Variants in PRKG1 observed in about 807,000 individuals in gnomAD.
PRKG1 encodes the protein cGMP-dependent protein kinase 1.
A neutral mutation model predicts 88.1 loss-of-function variants in PRKG1; 35 were observed. That is an observed-to-expected ratio of 0.40 (90% confidence interval 0.30 to 0.53). The LOEUF (loss-of-function observed/expected upper bound fraction) is 0.53. PRKG1 is among the 20% of genes least tolerant of loss of function. PRKG1 has a pLI of 0.59. For synonymous variants in PRKG1, 303 were observed against 292.5 expected (o/e 1.04, Z -0.37); for missense variants, 540 against 839.8 (o/e 0.64, Z 4.41).
At chr10:51,761,697 T>C (rs1838025930) in intron 3 of PRKG1, among the ~76,000 whole-genome samples, 1 of 152,230 alleles carries the variant, frequency 6.6e-6, no homozygotes, top group East Asian at 1.9e-4. Flanking sequence ...TCGGAATTTA[T>C]TTTTTTCTTA....
chr10:51,669,519 A>G (rs924295008), intron 3 of PRKG1, among the ~76,000 whole-genome samples: 1 of 152,242 alleles, frequency 6.6e-6, no homozygotes, highest in African/African-American at 2.4e-5. Flanking sequence ...TATGGACTGA[A>G]TAACACATTT....
intron 1 of PRKG1, among the ~76,000 whole-genome samples, chr10:51,064,425 A>T (rs374965988): frequency 6.2e-4 from 95 of 152,260 alleles, no homozygotes; most frequent in African/African-American, 2.2e-3. Flanking sequence ...CTGTTTAGAC[A>T]CTGAAGCAGC....
intron 2 of PRKG1, among the ~76,000 whole-genome samples, chr10:51,467,201 C>T (rs1329485152): frequency 1.3e-5 from 2 of 151,892 alleles, no homozygotes; most frequent in Non-Finnish European, 2.9e-5. Context: ...GTTAACATTG[C>T]AGAGCTAGGA....
At chr10:51,154,037 T>C (rs1846144004) in intron 2 of PRKG1, among the ~76,000 whole-genome samples, 1 of 151,950 alleles carries the variant, frequency 6.6e-6, no homozygotes, top group Non-Finnish European at 1.5e-5. Flanking sequence ...TGGAAGAAAG[T>C]GAGTGCAGAA....
At chr10:52,252,767 A>T (rs913879641) in intron 10 of PRKG1, 3 of 151,764 alleles carry the variant, frequency 2.0e-5, no homozygotes, top group Non-Finnish European at 4.4e-5. Flanking sequence ...CTGGTTGGAG[A>T]TACTGTAGTA....
chr10:51,396,612 A>T (rs1010718903), intron 2 of PRKG1, among the ~76,000 whole-genome samples: 3 of 152,242 alleles, frequency 2.0e-5, no homozygotes, highest in Admixed American at 6.5e-5. Context: ...AGTTGAATCC[A>T]GGCTTGACCA....
intron 4 of PRKG1, among the ~76,000 whole-genome samples, chr10:51,872,623 T>C (rs1841187817): frequency 6.6e-6 from 1 of 152,188 alleles, no homozygotes; most frequent in Non-Finnish European, 1.5e-5. Flanking sequence ...TATAGTTTTT[T>C]CCTCCATATT....
intron 3 of PRKG1, among the ~76,000 whole-genome samples, chr10:51,538,305 C>T (rs1371569204): frequency 5.3e-5 from 5 of 94,632 alleles, no homozygotes; most frequent in African/African-American, 1.4e-4. Context: ...TAATGCAATT[C>T]GCTGAAAATT....
At chr10:52,071,137 T>C (rs1846486249) in intron 7 of PRKG1, among the ~76,000 whole-genome samples, 1 of 151,862 alleles carries the variant, frequency 6.6e-6, no homozygotes, top group African/African-American at 2.4e-5. Flanking sequence ...TTCTTTTCCT[T>C]TATTTATTCA....
At chr10:51,983,072 A>G (rs1844055045) in intron 5 of PRKG1, among the ~76,000 whole-genome samples, 1 of 152,028 alleles carries the variant, frequency 6.6e-6, no homozygotes, top group African/African-American at 2.4e-5. Context: ...TGCTGCGGGC[A>G]GGGTTGGTAA....
chr10:51,786,055 T>G (rs983153972), intron 3 of PRKG1, among the ~76,000 whole-genome samples: 1 of 152,196 alleles, frequency 6.6e-6, no homozygotes, highest in African/African-American at 2.4e-5. Context: ...CTGAAATTCC[T>G]GTAAATCTGT....
intron 2 of PRKG1, among the ~76,000 whole-genome samples, chr10:51,170,795 A>G (rs1313758424): frequency 6.6e-6 from 1 of 151,688 alleles, no homozygotes; most frequent in African/African-American, 2.4e-5. Flanking sequence ...TAACAAAACC[A>G]ATTAAATAAC....
intron 3 of PRKG1, among the ~76,000 whole-genome samples, chr10:51,692,406 G>A (rs1223009039): frequency 1.3e-5 from 2 of 151,820 alleles, no homozygotes. Context: ...CCACGCCCCT[G>A]GCTAATTTTT....
intron 5 of PRKG1, among the ~76,000 whole-genome samples, chr10:51,956,789 C>A (rs1319207043): frequency 6.6e-6 from 1 of 151,758 alleles, no homozygotes; most frequent in Non-Finnish European, 1.5e-5. Flanking sequence ...GTAGTTATTT[C>A]TCTCTCTATT....
At chr10:52,151,993 C>T (rs1033255719) in intron 8 of PRKG1, among the ~76,000 whole-genome samples, 3 of 152,112 alleles carry the variant, frequency 2.0e-5, no homozygotes, top group Non-Finnish European at 4.4e-5. Flanking sequence ...TTTCAAATCA[C>T]TTTACCCGTA....
At chr10:51,229,262 C>A (rs549142017) in intron 2 of PRKG1, among the ~76,000 whole-genome samples, 1 of 152,254 alleles carries the variant, frequency 6.6e-6, no homozygotes, top group South Asian at 2.1e-4. Flanking sequence ...AGGAGGTACT[C>A]AAACATTATT....
chr10:51,658,005 G>GA (rs1267740389), intron 3 of PRKG1, among the ~76,000 whole-genome samples: 5 of 152,094 alleles, frequency 3.3e-5, no homozygotes, highest in African/African-American at 1.2e-4. Context: ...AAGCAAAAAG[G>GA]AAAAAATTGC....
chr10:51,148,290 C>T, intron 1 of PRKG1: 1 of 984,258 alleles, frequency 1.0e-6, no homozygotes. Flanking sequence ...TTTATTGCTT[C>T]CCCTGACATT....
At chr10:51,998,767 T>C (rs958901830) in intron 5 of PRKG1, among the ~76,000 whole-genome samples, 6 of 152,212 alleles carry the variant, frequency 3.9e-5, no homozygotes, top group African/African-American at 1.4e-4. Flanking sequence ...CTCTTCTGTT[T>C]ATCAGGGAAA....
Sources: allele counts gnomAD v4.1 joint callset (sites outside exome capture counted in the v4.1 genomes callset), GRCh38; gene constraint gnomAD v4.1.1; transcripts MANE v1.5; gene names NCBI Gene and HGNC (gene_info 2026-07-23, HGNC 2026-07-21).